Variants in GRIA1 observed in about 807,000 individuals in gnomAD.
GRIA1 encodes glutamate receptor 1.
Under a neutral mutation model 99.2 loss-of-function variants are expected in GRIA1, and 31 were observed. The ratio of observed to expected loss-of-function variants is 0.31; its 90% CI spans 0.23 to 0.42. The LOEUF is 0.42. GRIA1 is among the 10% of genes least tolerant of loss of function. The pLI is 1.00. For missense variants in GRIA1, 782 were observed against 1,157.5 expected, an observed-to-expected ratio of 0.68 and a Z score of 4.71; for synonymous variants, 438 against 432.4, an observed-to-expected ratio of 1.01 and a Z score of -0.16.
At chr5:153,638,639 A>G (rs762301731) in intron 2 of GRIA1, among the ~76,000 whole-genome samples, 1 of 152,236 alleles carries the variant, frequency 6.6e-6, no homozygotes, top group African/African-American at 2.4e-5. Flanking sequence ...AAATGCTGAC[A>G]TCTAGATTTC....
intron 2 of GRIA1, among the ~76,000 whole-genome samples, chr5:153,555,777 C>T (rs992995310): frequency 1.3e-5 from 2 of 152,216 alleles, no homozygotes. Context: ...CAGGTGTACA[C>T]TTCAGCAACT....
chr5:153,530,773 T>G (rs148564507), intron 2 of GRIA1, among the ~76,000 whole-genome samples: 1 of 152,232 alleles, frequency 6.6e-6, no homozygotes, highest in African/African-American at 2.4e-5. Context: ...ACTGCACAGG[T>G]GATAGACACT....
At chr5:153,653,975 A>G (rs1254758368) in intron 4 of GRIA1, among the ~76,000 whole-genome samples, 1 of 152,194 alleles carries the variant, frequency 6.6e-6, no homozygotes, top group Non-Finnish European at 1.5e-5. Context: ...GCTTTGAAGT[A>G]ATGGGGGTCA....
intron 4 of GRIA1, among the ~76,000 whole-genome samples, chr5:153,654,911 G>A (rs923756522): frequency 6.6e-6 from 1 of 152,146 alleles, no homozygotes; most frequent in African/African-American, 2.4e-5. Flanking sequence ...TCATTATTAG[G>A]TGTGTCTCCT....
intron 7 of GRIA1, among the ~76,000 whole-genome samples, chr5:153,681,493 T>C (rs1425435492): frequency 2.0e-5 from 3 of 152,138 alleles, no homozygotes; most frequent in Non-Finnish European, 2.9e-5. Flanking sequence ...ATGTCAATGA[T>C]ACCCAGCAAG....
intron 10 of GRIA1, among the ~76,000 whole-genome samples, chr5:153,700,448 T>C (rs1326856262): frequency 2.0e-5 from 3 of 151,886 alleles, no homozygotes; most frequent in African/African-American, 7.3e-5. Context: ...GTATAAACAA[T>C]AGGATGGTGG....
rs920003962 is a variant in GRIA1 at position 153,494,865 on chromosome 5, T to G, written c.220+800T>G. On this transcript the variant is annotated intron_variant, in intron 2 of 15. Transcript: ENST00000285900. ...TCAGGGATTAAGCTCAAGTAAAAAT[T>G]TATGGCAGGGAAATGTGAGCTGAAT... Among the ~76,000 whole-genome samples the G allele has an allele frequency of 7.9e-5, 12 of 152,248 alleles. No individual in the cohort carries two copies. In the East Asian group the frequency reaches 1.4e-3, roughly 17 times the overall value.
intron 2 of GRIA1, among the ~76,000 whole-genome samples, chr5:153,575,320 G>A (rs1762440760): frequency 1.3e-5 from 2 of 151,950 alleles, no homozygotes; most frequent in South Asian, 4.1e-4. Context: ...ACCCTTTGTG[G>A]CCTGATTTTT....
chr5:153,506,641 G>A (rs1403975632), intron 2 of GRIA1, among the ~76,000 whole-genome samples: 1 of 152,088 alleles, frequency 6.6e-6, no homozygotes, highest in Non-Finnish European at 1.5e-5. Context: ...GGAGAACAAA[G>A]AACATCTAAT....
intron 11 of GRIA1, among the ~76,000 whole-genome samples, chr5:153,710,901 A>G (rs1459912094): frequency 4.6e-5 from 7 of 152,246 alleles, no homozygotes; most frequent in Non-Finnish European, 7.3e-5. Flanking sequence ...GTGGAATTAA[A>G]CAAGCCTTAC....
chr5:153,567,046 C>A (rs551157794), intron 2 of GRIA1, among the ~76,000 whole-genome samples: 1 of 152,200 alleles, frequency 6.6e-6, no homozygotes, highest in East Asian at 1.9e-4. Context: ...CTATGGGTTA[C>A]CTATTAGCCT....
At chr5:153,791,199 C>G (rs993160516) in intron 13 of GRIA1, among the ~76,000 whole-genome samples, 1 of 151,262 alleles carries the variant, frequency 6.6e-6, no homozygotes, top group African/African-American at 2.4e-5. Context: ...CTTTGGGAGG[C>G]CGAGGCAGGA....
chr5:153,694,728 C>A (rs1757977987), intron 8 of GRIA1, among the ~76,000 whole-genome samples: 1 of 152,254 alleles, frequency 6.6e-6, no homozygotes, highest in Non-Finnish European at 1.5e-5. Flanking sequence ...AGACCAAGAT[C>A]TTGACCACTG....
upstream of GRIA1, chr5:153,490,579 GGAGA>G: frequency 2.2e-6 from 1 of 452,472 alleles, no homozygotes; most frequent in Non-Finnish European, 4.0e-6. Flanking sequence ...AGCAAGGGAG[GGAGA>G]GAGAGGCAGG....
chr5:153,655,850 A>G lies in GRIA1; in HGVS notation c.677A>G (p.Tyr226Cys). ...AAGCTAGAGAAGAATGGCATCGGCT[A>G]CCACTACATTCTTGCAAATCTGGTG... Reference protein sequence around the residue: ...IIKLEKNGIGYHYILANLGFM... With the variant: ...IIKLEKNGIGCHYILANLGFM... Residue 226 changes from tyrosine (Y) to cysteine (C), a missense_variant, in exon 5 of 16, where the codon TAC becomes TGC. Around this residue, in one of 5 missense-constraint regions of GRIA1, gnomAD observed 461 missense variants for 521.7 expected, o/e 0.88. Coordinates refer to ENST00000285900, the MANE Select transcript of GRIA1 (RefSeq NM_000827.4). 15 of 1,613,446 alleles carry G rather than the reference A, an allele frequency of 9.3e-6. No homozygotes were observed. The highest frequency in any genetic ancestry group is 1.3e-5 in the Non-Finnish European group (15 of 1,179,570).
intron 5 of GRIA1, among the ~76,000 whole-genome samples, chr5:153,666,186 G>C (rs957642425): frequency 6.6e-6 from 1 of 152,044 alleles, no homozygotes; most frequent in Admixed American, 6.5e-5. Context: ...GAGAGGGTGA[G>C]AAGAAACTTT....
At chr5:153,578,818 G>T (rs537628197) in intron 2 of GRIA1, among the ~76,000 whole-genome samples, 22 of 152,280 alleles carry the variant, frequency 1.4e-4, no homozygotes, top group Non-Finnish European at 5.9e-5. Context: ...TGAGGCAGGA[G>T]AATTGCTTGA....
intron 14 of GRIA1, among the ~76,000 whole-genome samples, chr5:153,798,354 T>A (rs1765779420): frequency 6.6e-6 from 1 of 152,306 alleles, no homozygotes; most frequent in Middle Eastern, 3.4e-3. Flanking sequence ...GAAAGCCTAC[T>A]GTAGCAGAAA....
intron 15 of GRIA1, among the ~76,000 whole-genome samples, chr5:153,806,937 T>C (rs1157219209): frequency 6.6e-6 from 1 of 152,216 alleles, no homozygotes; most frequent in African/African-American, 2.4e-5. Context: ...CCACAAAGCC[T>C]GGGCTTTTGG....
Sources: allele counts gnomAD v4.1 joint callset (sites outside exome capture counted in the v4.1 genomes callset), GRCh38; gene constraint gnomAD v4.1.1; regional missense constraint gnomAD v4.1.1; transcripts MANE v1.5; gene names NCBI Gene and HGNC (gene_info 2026-07-23, HGNC 2026-07-21).